GRIP1: variants seen among roughly 807,000 people sequenced by gnomAD.
GRIP1 encodes glutamate receptor interacting protein 1.
A neutral mutation model predicts 129.9 loss-of-function variants in GRIP1; 45 were observed. That is an observed-to-expected ratio of 0.35 (90% CI 0.27 to 0.44). The LOEUF is 0.44. Among genes scored for constraint, GRIP1 ranks in the 20% least tolerant of loss-of-function variants. The pLI, the probability that GRIP1 is intolerant of heterozygous loss-of-function variation, is 1.00. For missense variants in GRIP1, 1,196 were observed against 1,396.8 expected (o/e 0.86, Z 2.29); for synonymous variants, 530 against 520.8 (o/e 1.02, Z -0.24).
chr12:66,714,969 C>T (rs1276589259), intron 1 of GRIP1, among the ~76,000 whole-genome samples: 2 of 151,938 alleles, frequency 1.3e-5, no homozygotes, highest in African/African-American at 4.8e-5. Context: ...ATACATCCAT[C>T]CAACCCATCA....
chr12:66,795,232 T>C (rs1369157385), intron 1 of GRIP1, among the ~76,000 whole-genome samples: 2 of 152,228 alleles, frequency 1.3e-5, no homozygotes, highest in African/African-American at 2.4e-5. Flanking sequence ...ATCCAATTTT[T>C]AGAATCAGCA....
At chr12:66,564,575 C>T (rs980415578) in intron 2 of GRIP1, among the ~76,000 whole-genome samples, 1 of 152,014 alleles carries the variant, frequency 6.6e-6, no homozygotes, top group African/African-American at 2.4e-5. Context: ...TGAATAGTGC[C>T]ACAATAAACA....
At chr12:66,427,320 G>C (rs1457215146) in intron 14 of GRIP1, among the ~76,000 whole-genome samples, 1 of 151,766 alleles carries the variant, frequency 6.6e-6, no homozygotes, top group Non-Finnish European at 1.5e-5. Context: ...GTGTAGGGTG[G>C]GAGAAGAAGT....
At chr12:66,814,723 A>G (rs1011420290) in intron 1 of GRIP1, among the ~76,000 whole-genome samples, 8 of 152,196 alleles carry the variant, frequency 5.3e-5, no homozygotes, top group Non-Finnish European at 8.8e-5. Flanking sequence ...CTATGAAGAA[A>G]TACCCGAGAC....
chr12:66,487,433 G>A (rs1483950274), intron 7 of GRIP1, among the ~76,000 whole-genome samples: 1 of 152,096 alleles, frequency 6.6e-6, no homozygotes, highest in Non-Finnish European at 1.5e-5. Context: ...AAATGCTGAG[G>A]GAATTCATCA....
In GRIP1 at chr12:66,785,347, T is replaced by TAC. The variant is rs1566021122; in HGVS notation, c.-420+18705_-420+18706insGT. ...ACATACATACATACATACATACATATATATATATATATATATTAGTTGGGC... is the reference window on the plus strand; with the variant it reads ...ACATACATACATACATACATACATATACATATATATATATATATTAGTTGGGC... On this transcript the variant is annotated intron_variant, in intron 1 of 4. Coordinates refer to the GRIP1 transcript ENST00000538373. Among the ~76,000 whole-genome samples the TAC allele has an allele frequency of 4.0e-3, 251 of 62,112 alleles. 2 individuals are homozygous for TAC. Among genetic ancestry groups the TAC allele is most frequent in the Non-Finnish European group, 7.2e-3 (196 of 27,294 alleles). 40.7% of individuals were successfully genotyped at this position (62,112 alleles called of 152,430 possible).
At chr12:66,577,447 T>C (rs1176197925) in intron 2 of GRIP1, among the ~76,000 whole-genome samples, 2 of 152,116 alleles carry the variant, frequency 1.3e-5, no homozygotes, top group Non-Finnish European at 2.9e-5. Context: ...CACGCACATA[T>C]TTTTTTAGGT....
intron 1 of GRIP1, among the ~76,000 whole-genome samples, chr12:66,743,752 T>C (rs1388128458): frequency 6.6e-6 from 1 of 152,044 alleles, no homozygotes; most frequent in Non-Finnish European, 1.5e-5. Context: ...AGTGTTAAAA[T>C]TGGTGTGCCG....
At chr12:66,702,729 G>A (rs1436341549) in intron 1 of GRIP1, among the ~76,000 whole-genome samples, 1 of 152,054 alleles carries the variant, frequency 6.6e-6, no homozygotes, top group Non-Finnish European at 1.5e-5. Context: ...GACAAAAAAG[G>A]AAACGTCTCT....
intron 1 of GRIP1, among the ~76,000 whole-genome samples, chr12:66,647,571 A>G (rs962290450): frequency 1.3e-5 from 2 of 152,244 alleles, no homozygotes; most frequent in African/African-American, 2.4e-5. Context: ...ATTCTAGATT[A>G]AGAACTTTTG....
At chr12:66,776,559 GC>G (rs2037985887) in intron 1 of GRIP1, among the ~76,000 whole-genome samples, 1 of 152,184 alleles carries the variant, frequency 6.6e-6, no homozygotes, top group Non-Finnish European at 1.5e-5. Flanking sequence ...TAAGAGGTTA[GC>G]CCTGCTCTCA....
intron 7 of GRIP1, among the ~76,000 whole-genome samples, chr12:66,473,589 G>C (rs535603078): frequency 2.0e-5 from 3 of 152,336 alleles, no homozygotes; most frequent in Admixed American, 1.3e-4. Flanking sequence ...AGCTCCAGCT[G>C]GCATCGGGTG....
chr12:67,028,130 T>C (rs919755264), intron 1 of GRIP1, among the ~76,000 whole-genome samples: 5 of 152,192 alleles, frequency 3.3e-5, no homozygotes, highest in Non-Finnish European at 7.4e-5. Context: ...TGGATGTCCT[T>C]CAATCTGGAT....
intron 7 of GRIP1, among the ~76,000 whole-genome samples, chr12:66,496,725 C>T (rs995601974): frequency 2.0e-5 from 3 of 152,058 alleles, no homozygotes; most frequent in Admixed American, 2.0e-4. Context: ...CAATGAATGG[C>T]CTGAAACCCT....
At chr12:66,478,437 A>C (rs1435186584) in intron 7 of GRIP1, among the ~76,000 whole-genome samples, 1 of 152,172 alleles carries the variant, frequency 6.6e-6, no homozygotes, top group Non-Finnish European at 1.5e-5. Flanking sequence ...GTGGGACTGT[A>C]AACTAGTTCA....
intron 1 of GRIP1, among the ~76,000 whole-genome samples, chr12:66,857,961 C>T (rs1298774977): frequency 6.6e-6 from 1 of 151,932 alleles, no homozygotes; most frequent in African/African-American, 2.4e-5. Flanking sequence ...TGGTGCAGCA[C>T]CTTGGAGGCT....
At chr12:66,495,104 T>G (rs2060200020) in intron 7 of GRIP1, among the ~76,000 whole-genome samples, 1 of 152,220 alleles carries the variant, frequency 6.6e-6, no homozygotes, top group African/African-American at 2.4e-5. Flanking sequence ...TCCCAGGGAA[T>G]AAATAAGGAT....
chr12:67,010,184 G>A (rs544436215), intron 1 of GRIP1, among the ~76,000 whole-genome samples: 79 of 152,168 alleles, frequency 5.2e-4, no homozygotes, highest in Non-Finnish European at 1.1e-3. Flanking sequence ...GTAATACAAA[G>A]CTAAGAGGAT....
chr12:66,689,820 C>T (rs1011788571), intron 1 of GRIP1, among the ~76,000 whole-genome samples: 2 of 152,142 alleles, frequency 1.3e-5, no homozygotes, highest in Non-Finnish European at 2.9e-5. Flanking sequence ...AACATCTCCC[C>T]ATTTCCCCCA....
Sources: gnomAD v4.1 joint callset for allele counts (sites outside exome capture counted in the v4.1 genomes callset) on GRCh38, gnomAD v4.1.1 for gene constraint, MANE v1.5 for transcripts, NCBI Gene and HGNC (gene_info 2026-07-23, HGNC 2026-07-21) for gene names.